PLXDC2: variants seen among roughly 807,000 people sequenced by gnomAD.
The protein encoded by PLXDC2 is plexin domain containing 2, also known as plexin domain-containing protein 2.
In PLXDC2, 40 loss-of-function variants were observed where a neutral mutation model predicts 68.9. The observed-to-expected ratio is 0.58, with a 90% CI of 0.45 to 0.76. The LOEUF is 0.76. PLXDC2 is among the 30% of genes least tolerant of loss of function. The pLI is 0.00. For missense variants in PLXDC2, 644 were observed against 661.9 expected, an observed-to-expected ratio of 0.97 and a Z score of 0.30; for synonymous variants, 243 against 234.2, an observed-to-expected ratio of 1.04 and a Z score of -0.34.
chr10:20,042,036 A>G (rs1835692458), intron 2 of PLXDC2, among the ~76,000 whole-genome samples: 1 of 152,200 alleles, frequency 6.6e-6, no homozygotes, highest in Non-Finnish European at 1.5e-5. Flanking sequence ...CAACACCAAC[A>G]TTCAATCCAT....
chr10:20,257,011 T>G (rs558438031), intron 13 of PLXDC2, among the ~76,000 whole-genome samples: 3 of 152,196 alleles, frequency 2.0e-5, no homozygotes, highest in Non-Finnish European at 4.4e-5. Flanking sequence ...GGAGACTGAC[T>G]AAGAACAGTA....
chr10:19,847,808 T>A (rs1009589110), intron 1 of PLXDC2, among the ~76,000 whole-genome samples: 1 of 152,214 alleles, frequency 6.6e-6, no homozygotes, highest in Non-Finnish European at 1.5e-5. Context: ...ATATTTTGGC[T>A]TTATTTTAAA....
At chr10:20,075,163 A>T (rs1465953768) in intron 4 of PLXDC2, among the ~76,000 whole-genome samples, 1 of 152,026 alleles carries the variant, frequency 6.6e-6, no homozygotes, top group African/African-American at 2.4e-5. Flanking sequence ...TCAGCAGTAG[A>T]TTCAGTAGCT....
At chr10:20,263,829 G>T (rs1835838883) in intron 13 of PLXDC2, among the ~76,000 whole-genome samples, 1 of 152,184 alleles carries the variant, frequency 6.6e-6, no homozygotes, top group Non-Finnish European at 1.5e-5. Flanking sequence ...ACAGATGCTG[G>T]TGAGCCAGTA....
chr10:20,088,564 G>A (rs927531597), intron 4 of PLXDC2, among the ~76,000 whole-genome samples: 2 of 152,128 alleles, frequency 1.3e-5, no homozygotes, highest in Admixed American at 6.5e-5. Flanking sequence ...AAGAAAGGTA[G>A]AGATAGATTG....
At chr10:20,062,098 G>A (rs1379666225) in intron 3 of PLXDC2, among the ~76,000 whole-genome samples, 1 of 152,164 alleles carries the variant, frequency 6.6e-6, no homozygotes, top group Non-Finnish European at 1.5e-5. Flanking sequence ...GAAGTGTCTT[G>A]ACTTTACAGA....
At chr10:20,162,791 C>T (rs1834322208) in intron 6 of PLXDC2, among the ~76,000 whole-genome samples, 1 of 151,486 alleles carries the variant, frequency 6.6e-6, no homozygotes, top group African/African-American at 2.4e-5. Flanking sequence ...CAGCCAGGCG[C>T]AGTAGCTCAC....
intron 1 of PLXDC2, among the ~76,000 whole-genome samples, chr10:19,874,978 TG>T (rs1235767544): frequency 6.6e-6 from 1 of 152,136 alleles, no homozygotes; most frequent in Non-Finnish European, 1.5e-5. Flanking sequence ...TCAGAATTGT[TG>T]TAGAGGAAAC....
At chr10:20,278,093 T>C (rs1836032574) in intron 13 of PLXDC2, among the ~76,000 whole-genome samples, 2 of 152,200 alleles carry the variant, frequency 1.3e-5, no homozygotes, top group Admixed American at 6.5e-5. Context: ...ATTCATCTGT[T>C]GATGGACACT....
At chr10:20,080,373 CTG>C (rs34326464) in intron 4 of PLXDC2, among the ~76,000 whole-genome samples, 62,718 of 151,674 alleles carry the variant, frequency 0.41, 15,585 homozygotes, top group East Asian at 0.7. Context: ...CATCAGCAAA[CTG>C]AGGATCAAGG....
chr10:20,054,545 C>T (rs544974231), intron 3 of PLXDC2, among the ~76,000 whole-genome samples: 1 of 152,096 alleles, frequency 6.6e-6, no homozygotes, highest in African/African-American at 2.4e-5. Flanking sequence ...GAGTTCATGT[C>T]CTTTGTAGGG....
chr10:20,191,314 C>G (rs1834761162), intron 9 of PLXDC2, among the ~76,000 whole-genome samples: 1 of 151,336 alleles, frequency 6.6e-6, no homozygotes, highest in Non-Finnish European at 1.5e-5. Context: ...TTACTTTTAC[C>G]CTCAGTTCTT....
chr10:20,101,285 T>A (rs1833418681), intron 4 of PLXDC2, among the ~76,000 whole-genome samples: 1 of 152,172 alleles, frequency 6.6e-6, no homozygotes, highest in Admixed American at 6.5e-5. Context: ...TTTGTGTTGA[T>A]TCTGAGTGAA....
At position 19,857,153 on chromosome 10, in the gene PLXDC2, C is replaced by G. The variant is rs983910358; in HGVS notation, c.112+39962C>G. Among the ~76,000 whole-genome samples the G allele has an allele frequency of 2.6e-5, 4 of 152,244 alleles. No homozygotes were observed. In the South Asian group the frequency reaches 8.3e-4, roughly 32 times the overall value. ...AGGTGTACAAAATTAAGTTACTTGCCTAAAGTTCTACAGCTAGCAAGTTAC... is the reference window on the plus strand; with the variant it reads ...AGGTGTACAAAATTAAGTTACTTGCGTAAAGTTCTACAGCTAGCAAGTTAC... On this transcript the variant is annotated intron_variant, in intron 1 of 13. Coordinates refer to ENST00000377252, the MANE Select transcript of PLXDC2 (RefSeq NM_032812.9).
intron 2 of PLXDC2, among the ~76,000 whole-genome samples, chr10:20,020,819 C>G (rs1835295475): frequency 6.6e-6 from 1 of 151,808 alleles, no homozygotes; most frequent in African/African-American, 2.4e-5. Flanking sequence ...TTCCTTATAC[C>G]CAAGATAATC....
At chr10:20,071,257 A>T (rs567838280) in intron 4 of PLXDC2, 1 of 152,316 alleles carries the variant, frequency 6.6e-6, no homozygotes, top group South Asian at 2.1e-4. Context: ...GAGCCCCTAG[A>T]AAACACAAAG....
intron 9 of PLXDC2, among the ~76,000 whole-genome samples, chr10:20,205,164 A>T (rs1235320531): frequency 1.3e-5 from 2 of 152,130 alleles, no homozygotes; most frequent in African/African-American, 4.8e-5. Flanking sequence ...TACATGCCAC[A>T]AGCTGGGAGA....
At chr10:20,252,516 G>A (rs1835690131) in intron 13 of PLXDC2, among the ~76,000 whole-genome samples, 1 of 152,146 alleles carries the variant, frequency 6.6e-6, no homozygotes, top group African/African-American at 2.4e-5. Flanking sequence ...AGAAGACTTT[G>A]CAGAGACAAA....
At chr10:19,843,969 G>A (rs1318536938) in intron 1 of PLXDC2, among the ~76,000 whole-genome samples, 1 of 152,138 alleles carries the variant, frequency 6.6e-6, no homozygotes, top group African/African-American at 2.4e-5. Flanking sequence ...CAGTGAAGGT[G>A]ATGGGTGCCC....
Sources: allele counts gnomAD v4.1 joint callset (sites outside exome capture counted in the v4.1 genomes callset), GRCh38; gene constraint gnomAD v4.1.1; transcripts MANE v1.5; gene names NCBI Gene and HGNC (gene_info 2026-07-23, HGNC 2026-07-21).